Variants in CUBN observed in about 807,000 individuals in gnomAD.
CUBN encodes the protein cubilin.
Under a neutral mutation model 405.3 loss-of-function variants are expected in CUBN, and 282 were observed. The observed-to-expected ratio is 0.70, with a 90% confidence interval of 0.63 to 0.77. The LOEUF (loss-of-function observed/expected upper bound fraction) is 0.77. Ranked by LOEUF, CUBN falls within the 30% of genes least tolerant of loss-of-function variation. CUBN has a pLI of 0.00. For synonymous variants in CUBN, 1,684 were observed against 1,617.0 expected, an observed-to-expected ratio of 1.04 and a Z score of -0.99; for missense variants, 4,514 against 4,475.2, an observed-to-expected ratio of 1.01 and a Z score of -0.25.
In CUBN at chr10:16,963,187, C is replaced by CTTTTTTTTTTTTTTTTTTTT; in HGVS notation, c.4696-8640_4696-8639insAAAAAAAAAAAAAAAAAAAA. The stretch of plus-strand genomic sequence containing the variant: ...ATACATTTCTTTTTTCTTTTCTTTT[C>CTTTTTTTTTTTTTTTTTTTT]TTTTTTTTCTTTTTTTTTTTTTTTT... On this transcript the variant is annotated intron_variant, in intron 31 of 66. Transcript: ENST00000377833. 1.1e-3 allele frequency among the ~76,000 whole-genome samples: 96 copies of CTTTTTTTTTTTTTTTTTTTT among 84,376 alleles called. 13 individuals carry two copies. The highest frequency in any genetic ancestry group is 2.8e-3 in the East Asian group (10 of 3,528). The allele number at this position is 84,376 out of a possible 152,430, so 55.4% of individuals were successfully genotyped here. A position where few individuals can be genotyped will look rare whatever the true frequency, so the allele number is the denominator to read the frequency against.
Position 16,915,089 on chromosome 10 carries a change from T to C in CUBN, c.7294A>G (p.Thr2432Ala). The change falls in exon 47 of 67, where the codon ACA (threonine) becomes GCA (alanine). Residue 2432 changes from threonine to alanine, a missense_variant. Thr to Ala is a moderately conservative substitution (Grantham distance 58). Transcript: ENST00000377833. ...SSNTAVVRFVTDGSVTASGFR... is the reference protein window; with the variant it reads ...SSNTAVVRFVADGSVTASGFR... The stretch of plus-strand genomic sequence containing the variant: ...CCTGAGGCAGTCACAGAGCCGTCTG[T>C]GACAAACCTGACCACAGCAGTATTG... 1 of 1,614,164 alleles carries C rather than the reference T, an allele frequency of 6.2e-7. No individual in the cohort carries two copies.
rs181259904 is a variant in CUBN at position 16,905,578 on chromosome 10, T to A, written c.7912+625A>T. Among the ~76,000 whole-genome samples, 187 of 152,264 alleles carry A rather than the reference T, an allele frequency of 1.2e-3. 1 individual carries two copies. The highest frequency in any genetic ancestry group is 2.9e-3 in the African/African-American group (119 of 41,544). On this transcript the variant is annotated intron_variant, in intron 50 of 66. Transcript: ENST00000377833. ...TGAGCATGCTAAGTCCCAGTCTCCT[T>A]GGAAAGGAGTCTTGATAGTAGTGGA... is the stretch of plus-strand genomic sequence containing the variant.
Position 16,869,751 on chromosome 10 carries a change from G to A in CUBN, c.9339C>T (p.Cys3113=), listed in dbSNP as rs758802682. 3.3e-5 allele frequency: 54 copies of A among 1,613,798 alleles called. No homozygotes were observed. Among genetic ancestry groups the A allele is most frequent in the East Asian group, 6.7e-5 (3 of 44,894 alleles). Residue 3113 remains cysteine, a synonymous_variant, in exon 59 of 67, where the codon TGC becomes TGT. Transcript: ENST00000377833. ...TCACATTTGGTGGGCGCTTGGAACC[G>A]CAGAATTTGCCAAGAAGGGGATCGC... The part of the protein sequence containing the change: ...NTSDPLLGKF[C]GSKRPPNVKS...
Position 16,907,677 on chromosome 10 carries a change from T to C in CUBN, c.7536A>G (p.Val2512=), listed in dbSNP as rs746472042. The change falls in exon 49 of 67, where the codon GTA becomes GTG. Residue 2512 remains valine (V), a splice_region_variant and synonymous_variant. Transcript: ENST00000377833. ...HPSCNNEHVI[V]FNGIRSNSPQ... is the part of the protein sequence containing the mutation. Reference sequence around the variant, plus strand: ...GTGAGTTACTTCTAATGCCATTGAATACCTGTTGGAAAAAGAGTTTAACCT... The same window carrying C: ...GTGAGTTACTTCTAATGCCATTGAACACCTGTTGGAAAAAGAGTTTAACCT... 3.1e-6 allele frequency: 5 copies of C among 1,611,860 alleles called. No homozygotes were observed. The South Asian group carries it at 5.5e-5, about 18-fold the overall frequency.
chr10:16,984,268 G>A lies in CUBN; in HGVS notation c.4362C>T (p.Gly1454=). 6.2e-7 allele frequency: 1 copy of A among 1,614,074 alleles called. No individual in the cohort carries two copies. The highest frequency in any genetic ancestry group is 8.5e-7 in the Non-Finnish European group (1 of 1,179,958). The change falls in exon 30 of 67, where the codon GGC becomes GGT. Residue 1454 remains glycine (G), a synonymous_variant. Transcript: ENST00000377833. Reference sequence around the variant, plus strand: ...CTATTCTGGGAGAGTGGAAATCGGGGCCTCCATAGATCTAACATGGGATGT... The same window carrying A: ...CTATTCTGGGAGAGTGGAAATCGGGACCTCCATAGATCTAACATGGGATGT... ...CNFDVLEIYG[G]PDFHSPRIAQ...
At chr10:16,973,896 G>A (rs1833013119) in intron 31 of CUBN, among the ~76,000 whole-genome samples, 1 of 152,138 alleles carries the variant, frequency 6.6e-6, no homozygotes, top group Non-Finnish European at 1.5e-5. Flanking sequence ...CACCATTGAT[G>A]GGCATCTAGG....
chr10:16,969,516 AG>A (rs1187313768), intron 31 of CUBN, among the ~76,000 whole-genome samples: 1 of 152,068 alleles, frequency 6.6e-6, no homozygotes, highest in Non-Finnish European at 1.5e-5. Context: ...CACAAAACCC[AG>A]CTAATTTTTG....
chr10:17,110,632 A>G (rs892522732), intron 9 of CUBN, among the ~76,000 whole-genome samples: 2 of 152,090 alleles, frequency 1.3e-5, no homozygotes, highest in Admixed American at 6.6e-5. Context: ...GGTTCAAGCG[A>G]TTCTCGTGCC....
In CUBN at chr10:17,088,299, C is replaced by T. The variant is rs370185987; in HGVS notation, c.1812G>A (p.Pro604=). 1.4e-5 allele frequency: 22 copies of T among 1,613,334 alleles called. No individual in the cohort carries two copies. The highest frequency in any genetic ancestry group is 1.6e-4 in the Middle Eastern group (1 of 6,084). Residue 604 remains proline, a synonymous_variant, in exon 15 of 67, where the codon CCG becomes CCA. Coordinates refer to ENST00000377833, the MANE Select transcript of CUBN (RefSeq NM_001081.4). ...LTGPYGSIKS[P]GYPGNYPPGR... ...CTGGGGGATAGTTTCCAGGATACCC[C>T]GGAGACTTAATAGAACCGTAAGGAC...
intron 17 of CUBN, among the ~76,000 whole-genome samples, chr10:17,072,527 G>C (rs1835763991): frequency 6.6e-6 from 1 of 152,024 alleles, no homozygotes; most frequent in African/African-American, 2.4e-5. Context: ...AGACAGCCTA[G>C]GCAACACAGT....
chr10:17,041,168 T>C lies in CUBN; in HGVS notation c.3882A>G (p.Ile1294Met). Residue 1294 changes from isoleucine to methionine, a missense_variant, in exon 27 of 67, where the codon ATA (isoleucine) becomes ATG (methionine). Ile to Met is a conservative substitution (Grantham distance 10). Coordinates refer to ENST00000377833, the MANE Select transcript of CUBN (RefSeq NM_001081.4). Reference sequence around the variant, plus strand: ...TTTCAGAATAAGGATTCGGATACCCTATACTCTCTAAGATGCCATAGGTTT... The same window carrying C: ...TTTCAGAATAAGGATTCGGATACCCCATACTCTCTAAGATGCCATAGGTTT... Reference protein sequence around the residue: ...VNQTYGILESIGYPNPYSENQ... With the variant: ...VNQTYGILESMGYPNPYSENQ... The C allele has an allele frequency of 6.2e-7, 1 of 1,613,818 alleles. No individual in the cohort carries two copies. The highest frequency in any genetic ancestry group is 2.2e-5 in the East Asian group (1 of 44,866).
At chr10:16,851,584 C>G in intron 59 of CUBN, 141 bp from the exon 60 acceptor site, 1 of 779,276 alleles carries the variant, frequency 1.3e-6, no homozygotes, top group African/African-American at 1.7e-5. Flanking sequence ...CCTGGGCTCC[C>G]TCCTTTCCTC....
chr10:16,839,950 G>C (rs2131318290), intron 62 of CUBN, among the ~76,000 whole-genome samples: 1 of 151,926 alleles, frequency 6.6e-6, no homozygotes, highest in East Asian at 1.9e-4. Flanking sequence ...ATCATTCTCA[G>C]CAAACTATCG....
At chr10:16,926,897 G>T (rs1280568664) in intron 41 of CUBN, among the ~76,000 whole-genome samples, 1 of 151,602 alleles carries the variant, frequency 6.6e-6, no homozygotes, top group Non-Finnish European at 1.5e-5. Context: ...TTGCATACTG[G>T]TGAAGTCTAT....
intron 19 of CUBN, among the ~76,000 whole-genome samples, chr10:17,068,990 T>C (rs1835677208): frequency 6.6e-6 from 1 of 152,152 alleles, no homozygotes; most frequent in African/African-American, 2.4e-5. Flanking sequence ...TAATCTACTT[T>C]CTGTCTCTGT....
intron 66 of CUBN, among the ~76,000 whole-genome samples, chr10:16,825,974 T>C (rs1047795359): frequency 5.3e-5 from 8 of 152,210 alleles, no homozygotes; most frequent in Non-Finnish European, 8.8e-5. Flanking sequence ...CATCTACTTT[T>C]TACTCCCATT....
rs146303616 is a variant in CUBN at position 17,030,741 on chromosome 10, A to G, written c.4017+10292T>C. On this transcript the variant is annotated intron_variant, in intron 27 of 66. Coordinates refer to ENST00000377833, the MANE Select transcript of CUBN (RefSeq NM_001081.4). ...CGAGACCAGCCTGACCAACATGGTG[A>G]AACCCCATTTCTACTAAAAATACAA... is the stretch of plus-strand genomic sequence containing the variant. Among the ~76,000 whole-genome samples the G allele has an allele frequency of 7.5e-3, 1,143 of 152,204 alleles. 33 individuals are homozygous for G. The East Asian group carries it at 0.091, about 12-fold the overall frequency.
At chr10:17,079,382 C>T (rs1269150392) in intron 17 of CUBN, among the ~76,000 whole-genome samples, 1 of 151,648 alleles carries the variant, frequency 6.6e-6, no homozygotes, top group Non-Finnish European at 1.5e-5. Context: ...ATTACAGGTG[C>T]CCACCATCAC....
At chr10:17,007,505 A>G (rs1834060051) in intron 28 of CUBN, among the ~76,000 whole-genome samples, 1 of 152,190 alleles carries the variant, frequency 6.6e-6, no homozygotes, top group African/African-American at 2.4e-5. Flanking sequence ...GGGGAAATGA[A>G]TGAAGTGTGT....
Sources: gnomAD v4.1 joint callset for allele counts (sites outside exome capture counted in the v4.1 genomes callset) on GRCh38, gnomAD v4.1.1 for gene constraint, MANE v1.5 for transcripts, NCBI Gene and HGNC (gene_info 2026-07-23, HGNC 2026-07-21) for gene names.